FSHR: variants seen among roughly 807,000 people sequenced by gnomAD.
FSHR encodes follicle-stimulating hormone receptor.
Under a neutral mutation model 52.1 loss-of-function variants are expected in FSHR, and 46 were observed. The ratio of observed to expected loss-of-function variants is 0.88; its 90% CI spans 0.70 to 1.13. The LOEUF is 1.13. FSHR is among the 50% of genes most tolerant of loss of function. The probability of loss-of-function intolerance (pLI) is 0.00; values close to 1 mark genes in which losing one functional copy is unlikely to be tolerated. For missense variants in FSHR, 964 were observed against 834.6 expected, an observed-to-expected ratio of 1.16 and a Z score of -1.91; for synonymous variants, 399 against 309.6, an observed-to-expected ratio of 1.29 and a Z score of -3.03.
At chr2:48,990,515 C>A in intron 5 of FSHR, 51 bp downstream of exon 5, 1 of 1,195,222 alleles carries the variant, frequency 8.4e-7, no homozygotes, top group Non-Finnish European at 1.3e-6. Flanking sequence ...AGCCGTTGGG[C>A]AAGACAGATA....
intron 1 of FSHR, among the ~76,000 whole-genome samples, chr2:49,130,770 T>C (rs1254381237): frequency 6.6e-6 from 1 of 152,210 alleles, no homozygotes; most frequent in Non-Finnish European, 1.5e-5. Context: ...AATGTACTTC[T>C]GATTTCTAAA....
chr2:49,065,834 G>C (rs1489616722), intron 2 of FSHR, among the ~76,000 whole-genome samples: 3 of 152,076 alleles, frequency 2.0e-5, no homozygotes, highest in Admixed American at 6.6e-5. Context: ...GAGATGAAGA[G>C]AACTGGATAT....
chr2:48,979,963 G>T (rs186576524), intron 8 of FSHR, among the ~76,000 whole-genome samples: 2 of 152,258 alleles, frequency 1.3e-5, no homozygotes, highest in East Asian at 3.9e-4. Flanking sequence ...CTGGTCTACT[G>T]CACACCTACA....
chr2:49,027,501 CCATGCATAGGATAATTATTTGGGAAAG>C (rs1667946998), intron 2 of FSHR, among the ~76,000 whole-genome samples: 1 of 152,002 alleles, frequency 6.6e-6, no homozygotes, highest in African/African-American at 2.4e-5. Flanking sequence ...TGCTTGGGAG[CCATGCATAGGATAATTATTTGGGAAAG>C]CAAATGGAAT....
At chr2:49,054,700 C>CAAAG (rs1668992378) in intron 2 of FSHR, among the ~76,000 whole-genome samples, 3 of 152,212 alleles carry the variant, frequency 2.0e-5, no homozygotes, top group African/African-American at 7.2e-5. Flanking sequence ...AGCAAGCCCA[C>CAAAG]CCCTAGTAAA....
At chr2:48,967,080 C>T (rs1251558275) in intron 9 of FSHR, among the ~76,000 whole-genome samples, 2 of 152,162 alleles carry the variant, frequency 1.3e-5, no homozygotes, top group Middle Eastern at 3.2e-3. Flanking sequence ...GCAAGCTGCT[C>T]TCACAGTGAT....
intron 4 of FSHR, among the ~76,000 whole-genome samples, chr2:49,003,357 C>T (rs1339258449): frequency 6.6e-6 from 1 of 152,108 alleles, no homozygotes. Flanking sequence ...AGCCCTTGCT[C>T]TGGATTGGAT....
chr2:49,036,221 C>T (rs576622503), intron 2 of FSHR, among the ~76,000 whole-genome samples: 72 of 152,214 alleles, frequency 4.7e-4, no homozygotes, highest in African/African-American at 9.4e-4. Flanking sequence ...ATGAGAGGTA[C>T]GGTGGCTGAT....
At chr2:49,097,122 C>A (rs962280158) in intron 1 of FSHR, among the ~76,000 whole-genome samples, 2 of 152,298 alleles carry the variant, frequency 1.3e-5, no homozygotes, top group Admixed American at 1.3e-4. Flanking sequence ...GATGAGGAAT[C>A]CATGGTCATT....
chr2:49,154,297 G>A lies in FSHR; in HGVS notation c.121C>T (p.Pro41Ser). The change falls in exon 1 of 10, where the codon CCT (proline) becomes TCT (serine). Residue 41 changes from proline (P) to serine (S), a missense_variant. Pro to Ser is a moderately conservative substitution (Grantham distance 74, BLOSUM62 -1). Transcript: ENST00000406846. Reference protein sequence around the residue: ...LCQESKVTEIPSDLPRNAIEL... With the variant: ...LCQESKVTEISSDLPRNAIEL... ...ATGGCATTCCTCGGGAGGTCAGAAG[G>A]AATCTCTGTCACCTTGCTCTCTTGG... The A allele has an allele frequency of 1.2e-6, 2 of 1,613,898 alleles. No homozygotes were observed. The highest frequency in any genetic ancestry group is 8.5e-7 in the Non-Finnish European group (1 of 1,179,892).
Position 49,096,552 on chromosome 2 carries a change from G to A in FSHR, c.153-28262C>T, listed in dbSNP as rs181313217. On this transcript the variant is annotated intron_variant, in intron 1 of 9. Coordinates refer to ENST00000406846, the MANE Select transcript of FSHR (RefSeq NM_000145.4). ...ATAATAGAGATGGTTGCAAAACCTA[G>A]CAAATGCACTAAGAATCACTTAATT... Among the ~76,000 whole-genome samples the A allele has an allele frequency of 3.8e-3, 583 of 152,266 alleles. 7 individuals are homozygous for A. The highest frequency in any genetic ancestry group is 0.013 in the African/African-American group (540 of 41,558).
chr2:49,015,985 G>T (rs1200699166), intron 4 of FSHR, among the ~76,000 whole-genome samples: 1 of 152,092 alleles, frequency 6.6e-6, no homozygotes, highest in Non-Finnish European at 1.5e-5. Flanking sequence ...TTCTTTTTCA[G>T]ACCCTTTCTG....
rs72289679 is a variant in FSHR at position 49,127,519 on chromosome 2, TACACAC to T, written c.152+26741_152+26746del. ...GTTTCTTTCTCAATGACCACCACAA[TACACAC>T]ACACACACACACACACACACACCCC... On this transcript the variant is annotated intron_variant, in intron 1 of 9. Transcript: ENST00000406846. Among the ~76,000 whole-genome samples the T allele has an allele frequency of 4.1e-3, 596 of 147,134 alleles. 7 individuals are homozygous for T. The highest frequency in any genetic ancestry group is 0.014 in the African/African-American group (545 of 40,002).
intron 1 of FSHR, among the ~76,000 whole-genome samples, chr2:49,144,997 A>G (rs577279623): frequency 1.3e-5 from 2 of 152,112 alleles, no homozygotes; most frequent in Non-Finnish European, 2.9e-5. Context: ...TTGGAGGGCT[A>G]TGGCCTTTGT....
At chr2:48,987,333 A>C (rs1456112808) in intron 6 of FSHR, among the ~76,000 whole-genome samples, 1 of 151,986 alleles carries the variant, frequency 6.6e-6, no homozygotes, top group Non-Finnish European at 1.5e-5. Flanking sequence ...CCTCCTGAGT[A>C]GAGGGGATTA....
intron 1 of FSHR, among the ~76,000 whole-genome samples, chr2:49,123,852 C>G (rs554322613): frequency 6.6e-6 from 1 of 152,078 alleles, no homozygotes; most frequent in Non-Finnish European, 1.5e-5. Context: ...GGAGGGTTCT[C>G]TTTGCGTCTT....
At chr2:49,056,482 A>ATC (rs1669069825) in intron 2 of FSHR, among the ~76,000 whole-genome samples, 1 of 109,290 alleles carries the variant, frequency 9.1e-6, no homozygotes. Context: ...ATATATATAT[A>ATC]TATATCCAAC....
chr2:49,119,005 T>C (rs1244845659), intron 1 of FSHR, among the ~76,000 whole-genome samples: 5 of 152,212 alleles, frequency 3.3e-5, no homozygotes, highest in African/African-American at 1.2e-4. Flanking sequence ...CTTCTTGTGA[T>C]GGTGTCAAGA....
At chr2:49,039,331 TTC>T (rs1274339989) in intron 2 of FSHR, among the ~76,000 whole-genome samples, 75 of 152,170 alleles carry the variant, frequency 4.9e-4, no homozygotes, top group African/African-American at 1.8e-3. Context: ...TTACATTGAT[TTC>T]TCTCTAATGA....
Sources: gnomAD v4.1 joint callset for allele counts (sites outside exome capture counted in the v4.1 genomes callset) on GRCh38, gnomAD v4.1.1 for gene constraint, MANE v1.5 for transcripts, NCBI Gene and HGNC (gene_info 2026-07-23, HGNC 2026-07-21) for gene names.